THSD7A: variants seen among roughly 807,000 people sequenced by gnomAD.
THSD7A encodes the protein thrombospondin type 1 domain containing 7A, also known as thrombospondin type-1 domain-containing protein 7A.
Under a neutral mutation model 231.3 loss-of-function variants are expected in THSD7A, and 96 were observed. That is an observed-to-expected ratio of 0.41 (90% CI 0.35 to 0.49). The LOEUF (loss-of-function observed/expected upper bound fraction) is 0.49. THSD7A is among the 20% of genes least tolerant of loss of function. The pLI is 0.05. For synonymous variants in THSD7A, 940 were observed against 743.3 expected (o/e 1.26, Z -4.30); for missense variants, 2,290 against 2,070.2 (o/e 1.11, Z -2.06).
chr7:11,591,803 A>C (rs916147071), intron 3 of THSD7A, among the ~76,000 whole-genome samples: 5 of 152,164 alleles, frequency 3.3e-5, no homozygotes, highest in Non-Finnish European at 5.9e-5. Flanking sequence ...AAGGAAGCAA[A>C]ACCAAATAGA....
In THSD7A at chr7:11,590,433, A is replaced by T; in HGVS notation, c.1453+27T>A. ...CATGCTCAGTCAGTCTTCATAAGTG[A>T]ATCCTTGAGAAGAAAGCAAAGGTTA... On this transcript the variant is annotated intron_variant, in intron 4 of 27. Transcript: ENST00000423059. This position sits in a 1 kb window ranked among gnomAD's most constrained non-coding sequence, Gnocchi z 4.4. 3 of 1,591,122 alleles carry T rather than the reference A, an allele frequency of 1.9e-6. No individual in the cohort carries two copies. In the South Asian group the frequency reaches 3.5e-5, roughly 18 times the overall value.
chr7:11,553,648 CTTAA>C (rs1789724512), intron 4 of THSD7A, among the ~76,000 whole-genome samples: 1 of 151,920 alleles, frequency 6.6e-6, no homozygotes, highest in African/African-American at 2.4e-5. Flanking sequence ...TTTTATTGTT[CTTAA>C]TTTAAAGAGG....
chr7:11,462,929 C>A (rs1785559862), intron 9 of THSD7A, among the ~76,000 whole-genome samples: 1 of 152,020 alleles, frequency 6.6e-6, no homozygotes, highest in Non-Finnish European at 1.5e-5. Context: ...ATAAAACTTG[C>A]CAACTTTAAT....
chr7:11,381,812 C>G (rs983110127), intron 24 of THSD7A, among the ~76,000 whole-genome samples: 1 of 152,186 alleles, frequency 6.6e-6, no homozygotes, highest in African/African-American at 2.4e-5. Flanking sequence ...GCCAAAGTCT[C>G]TTCCTCCTTC....
Position 11,509,821 on chromosome 7 carries a change from CA to C in THSD7A, c.1823-27840del, listed in dbSNP as rs751048602. Among the ~76,000 whole-genome samples the C allele has an allele frequency of 2.9e-3, 115 of 39,958 alleles. 13 individuals carry two copies. The highest frequency in any genetic ancestry group is 5.3e-3 in the African/African-American group (74 of 13,948). 26.2% of individuals were successfully genotyped at this position (39,958 alleles called of 152,430 possible). The stretch of plus-strand genomic sequence containing the variant: ...TGGGCGACAGAGCCAGAGTCCGTCT[CA>C]AAAAAAAAAAAAAATAACATCTGAA... On this transcript the variant is annotated intron_variant, in intron 6 of 27. Transcript: ENST00000423059.
At chr7:11,426,782 T>C (rs1053469297) in intron 14 of THSD7A, 111 bp from the exon 15 acceptor site, 9 of 1,135,188 alleles carry the variant, frequency 7.9e-6, no homozygotes, top group Non-Finnish European at 9.8e-6. Context: ...ATTACTTACA[T>C]GTAAAAACCT....
chr7:11,495,846 G>A (rs952955634), intron 6 of THSD7A, among the ~76,000 whole-genome samples: 6 of 152,002 alleles, frequency 3.9e-5, no homozygotes, highest in East Asian at 1.9e-4. Context: ...TTACAAAGCC[G>A]GGGGAAAATG....
intron 1 of THSD7A, among the ~76,000 whole-genome samples, chr7:11,737,704 T>C (rs1203021412): frequency 6.6e-6 from 1 of 152,064 alleles, no homozygotes; most frequent in African/African-American, 2.4e-5. Context: ...CTATATATTA[T>C]AGTTTCATCA....
chr7:11,417,679 A>G, intron 16 of THSD7A, 76 bp from the exon 17 acceptor site: 1 of 1,455,482 alleles, frequency 6.9e-7, no homozygotes. Flanking sequence ...AATTAGAATG[A>G]CCAACCCACA....
intron 1 of THSD7A, among the ~76,000 whole-genome samples, chr7:11,688,386 A>T (rs1050759633): frequency 1.3e-5 from 2 of 151,782 alleles, no homozygotes; most frequent in African/African-American, 2.4e-5. Flanking sequence ...AGCTCCTCAG[A>T]TATTGTAAAG....
intron 1 of THSD7A, among the ~76,000 whole-genome samples, chr7:11,791,301 C>T (rs990551010): frequency 5.9e-5 from 9 of 151,952 alleles, no homozygotes; most frequent in African/African-American, 2.2e-4. Flanking sequence ...ATCCAATTTA[C>T]TTGGCAATTG....
chr7:11,525,090 G>C (rs1297958244), intron 6 of THSD7A, among the ~76,000 whole-genome samples: 1 of 152,076 alleles, frequency 6.6e-6, no homozygotes, highest in Non-Finnish European at 1.5e-5. Flanking sequence ...TACATTTTAA[G>C]CCATCAGCAA....
At chr7:11,722,142 G>C (rs1781378008) in intron 1 of THSD7A, among the ~76,000 whole-genome samples, 1 of 151,856 alleles carries the variant, frequency 6.6e-6, no homozygotes, top group Admixed American at 6.6e-5. Context: ...CCTGGGCATA[G>C]GCCTAGCTAA....
chr7:11,469,948 G>A lies in THSD7A; in HGVS notation c.2299C>T (p.Pro767Ser). ...RPETVRPCLL[P>S]CKKDCIVTPY... ...GTCACAATACAGTCCTTCTTACAAG[G>A]AAGCAGACAAGGCCTTACAGTTTCA... Residue 767 changes from proline (P) to serine (S), a missense_variant, in exon 9 of 28, where the codon CCT (proline) becomes TCT (serine). By Grantham distance (74) the Pro-to-Ser change is moderately conservative. Coordinates refer to ENST00000423059, the MANE Select transcript of THSD7A (RefSeq NM_015204.3). 6.2e-7 allele frequency: 1 copy of A among 1,601,644 alleles called. No individual in the cohort carries two copies. The highest frequency in any genetic ancestry group is 8.5e-7 in the Non-Finnish European group (1 of 1,173,510).
At chr7:11,525,688 C>T (rs1478819380) in intron 6 of THSD7A, among the ~76,000 whole-genome samples, 1 of 151,934 alleles carries the variant, frequency 6.6e-6, no homozygotes, top group Non-Finnish European at 1.5e-5. Context: ...ATATTCTTAC[C>T]TACATGATTC....
intron 1 of THSD7A, among the ~76,000 whole-genome samples, chr7:11,815,460 T>A (rs955174670): frequency 3.9e-5 from 6 of 152,216 alleles, no homozygotes; most frequent in African/African-American, 1.4e-4. Flanking sequence ...CCTGTACATA[T>A]AAATATATGT....
At chr7:11,572,565 G>A (rs1334406482) in intron 4 of THSD7A, among the ~76,000 whole-genome samples, 2 of 152,126 alleles carry the variant, frequency 1.3e-5, no homozygotes, top group Non-Finnish European at 2.9e-5. Context: ...CTGCAGTGCA[G>A]TGGCGCAATC....
At chr7:11,515,750 T>C (rs1183681965) in intron 6 of THSD7A, among the ~76,000 whole-genome samples, 1 of 152,150 alleles carries the variant, frequency 6.6e-6, no homozygotes, top group Non-Finnish European at 1.5e-5. Context: ...ACATTTCATA[T>C]TTTAGTAGTC....
At chr7:11,493,402 C>T (rs535776642) in intron 6 of THSD7A, among the ~76,000 whole-genome samples, 1 of 152,042 alleles carries the variant, frequency 6.6e-6, no homozygotes, top group African/African-American at 2.4e-5. Flanking sequence ...ACGTTTCAAA[C>T]CTGATGGGAA....
Sources: gnomAD v4.1 joint callset for allele counts (sites outside exome capture counted in the v4.1 genomes callset) on GRCh38, gnomAD v4.1.1 for gene constraint, Gnocchi (gnomAD v3.1) non-coding constraint, MANE v1.5 for transcripts, NCBI Gene and HGNC (gene_info 2026-07-23, HGNC 2026-07-21) for gene names.